The following FRMD4A variants were observed in gnomAD, a reference collection of about 807,000 sequenced individuals.
FRMD4A encodes the protein FERM domain-containing protein 4A.
In FRMD4A, 29 loss-of-function variants were observed where a neutral mutation model predicts 129.1. That is an observed-to-expected ratio of 0.22 (90% confidence interval 0.17 to 0.31). FRMD4A has a LOEUF of 0.31. FRMD4A is among the 10% of genes least tolerant of loss of function. The probability of loss-of-function intolerance (pLI) is 1.00; values close to 1 mark genes in which losing one functional copy is unlikely to be tolerated. For synonymous variants in FRMD4A, 634 were observed against 571.6 expected (o/e 1.11, Z -1.56); for missense variants, 1,272 against 1,375.8 (o/e 0.92, Z 1.19).
At chr10:14,161,016 A>C (rs1840857643) in intron 2 of FRMD4A, among the ~76,000 whole-genome samples, 1 of 152,112 alleles carries the variant, frequency 6.6e-6, no homozygotes, top group South Asian at 2.1e-4. Flanking sequence ...GTGCAGTGGC[A>C]CAATCTCGGC....
intron 2 of FRMD4A, chr10:13,972,322 C>A: frequency 2.0e-6 from 2 of 986,306 alleles, no homozygotes; most frequent in Non-Finnish European, 2.4e-6. Context: ...CCATGAGTTT[C>A]CACAAGGTCA....
intron 2 of FRMD4A, among the ~76,000 whole-genome samples, chr10:14,288,584 AATTT>A (rs1265875505): frequency 1.3e-5 from 2 of 152,140 alleles, no homozygotes; most frequent in Non-Finnish European, 2.9e-5. Context: ...AAAAAATATT[AATTT>A]ATTTTTAAAA....
intron 2 of FRMD4A, among the ~76,000 whole-genome samples, chr10:13,963,211 G>A (rs542393679): frequency 6.7e-6 from 1 of 150,122 alleles, no homozygotes; most frequent in South Asian, 2.1e-4. Context: ...AAACAAATGT[G>A]CAGACTTGAC....
Position 13,657,470 on chromosome 10 carries a change from G to A in FRMD4A, c.2119C>T (p.His707Tyr), listed in dbSNP as rs758375812. ...TGGGACTCCAGGCTGGAGCTCCGGT[G>A]CCTAAAGTGCAGTGCGAGGCTGTGC... is the stretch of plus-strand genomic sequence containing the variant. ...RLHSLALHFR[H>Y]RSSSLESQGK... The change falls in exon 22 of 25, where the codon CAC becomes TAC. Residue 707 changes from histidine (H) to tyrosine (Y), a missense_variant. Physicochemically the swap from His to Tyr is moderately conservative, Grantham distance 83. Around this residue, in one of 2 missense-constraint regions of FRMD4A, gnomAD observed 972 missense variants for 892.3 expected, o/e 1.09. Transcript: ENST00000357447. 9 of 1,610,834 alleles carry A rather than the reference G, an allele frequency of 5.6e-6. No homozygotes were observed. In the East Asian group the frequency reaches 2.0e-4, roughly 36 times the overall value.
In FRMD4A at chr10:13,701,213, G is replaced by A. The variant is rs529678510; in HGVS notation, c.975+127C>T. 2.3e-5 allele frequency: 18 copies of A among 791,370 alleles called. No individual in the cohort carries two copies. In the South Asian group the frequency reaches 2.8e-4, roughly 12 times the overall value. The allele number at this position is 791,370 out of a possible 1,614,324, so 49.0% of individuals were successfully genotyped here. The stretch of plus-strand genomic sequence containing the variant: ...TCCCATCTGTAGCCCTAAGAGGCAA[G>A]CCTGTATCTGTGCAAGGTATGGACC... On this transcript the variant is annotated intron_variant, in intron 14 of 24. Coordinates refer to ENST00000357447, the MANE Select transcript of FRMD4A (RefSeq NM_018027.5).
chr10:14,058,827 A>G (rs1390209356), intron 2 of FRMD4A, among the ~76,000 whole-genome samples: 1 of 152,172 alleles, frequency 6.6e-6, no homozygotes, highest in East Asian at 1.9e-4. Context: ...CACCTGCTAA[A>G]TCGTAGCTCC....
intron 2 of FRMD4A, among the ~76,000 whole-genome samples, chr10:13,965,029 T>C (rs1224096887): frequency 4.0e-5 from 6 of 151,568 alleles, no homozygotes; most frequent in Non-Finnish European, 8.8e-5. Context: ...TTAAATTTCC[T>C]CTTTTGCTCA....
intron 5 of FRMD4A, among the ~76,000 whole-genome samples, chr10:13,791,402 GGTGT>G (rs3032915): frequency 6.7e-6 from 1 of 149,922 alleles, no homozygotes; most frequent in Non-Finnish European, 1.5e-5. Context: ...AGAAATAAAA[GGTGT>G]GTGTGTGTGT....
At chr10:13,949,993 T>C (rs924695878) in intron 2 of FRMD4A, among the ~76,000 whole-genome samples, 3 of 152,264 alleles carry the variant, frequency 2.0e-5, no homozygotes, top group Non-Finnish European at 4.4e-5. Flanking sequence ...TTATGACAGA[T>C]CACAACATCT....
At chr10:14,203,575 T>A (rs1455899460) in intron 2 of FRMD4A, among the ~76,000 whole-genome samples, 1 of 152,262 alleles carries the variant, frequency 6.6e-6, no homozygotes. Context: ...AGACATTAAC[T>A]CGGCTAAATT....
chr10:13,957,612 A>G (rs2095417620), intron 2 of FRMD4A, among the ~76,000 whole-genome samples: 1 of 152,166 alleles, frequency 6.6e-6, no homozygotes, highest in South Asian at 2.1e-4. Context: ...AAAAAGGAGG[A>G]AGAGTAAAAA....
In FRMD4A at chr10:13,657,204, T is replaced by C. The variant is rs1311057358; in HGVS notation, c.2385A>G (p.Ser795=). 1 of 1,538,468 alleles carries C rather than the reference T, an allele frequency of 6.5e-7. No homozygotes were observed. The highest frequency in any genetic ancestry group is 8.7e-7 in the Non-Finnish European group (1 of 1,149,024). The part of the protein sequence containing the change: ...QRQRAAGALG[S]ASSGSMPNLA... Reference sequence around the variant, plus strand: ...GGTTGGGCATGCTGCCCGAGCTGGCTGAGCCCAGTGCGCCCGCCGCCCGCT... The same window carrying C: ...GGTTGGGCATGCTGCCCGAGCTGGCCGAGCCCAGTGCGCCCGCCGCCCGCT... Residue 795 remains serine, a synonymous_variant, in exon 22 of 25, where the codon TCA becomes TCG. Transcript: ENST00000357447.
At chr10:14,118,278 C>T (rs1352841026) in intron 2 of FRMD4A, among the ~76,000 whole-genome samples, 2 of 152,156 alleles carry the variant, frequency 1.3e-5, no homozygotes, top group African/African-American at 4.8e-5. Flanking sequence ...GCTTGGCAAC[C>T]TTAGGTGAGA....
chr10:14,132,197 A>T (rs1839296009), intron 2 of FRMD4A, among the ~76,000 whole-genome samples: 1 of 152,194 alleles, frequency 6.6e-6, no homozygotes, highest in African/African-American at 2.4e-5. Context: ...CTGAGGCAGG[A>T]GAATCGCTTG....
intron 2 of FRMD4A, among the ~76,000 whole-genome samples, chr10:13,875,564 AT>A (rs747118185): frequency 1.4e-4 from 21 of 152,234 alleles, no homozygotes; most frequent in Non-Finnish European, 2.8e-4. Flanking sequence ...CAGCATCGGA[AT>A]AAGGGAATTA....
rs114047226 is a variant in FRMD4A, at chr10:14,000,880, G to A, written c.46-141968C>T. On this transcript the variant is annotated intron_variant, in intron 2 of 24. Transcript: ENST00000357447. The stretch of plus-strand genomic sequence containing the variant: ...ATTCTAGACTCTATGACTTCGGAAG[G>A]CCTCAGGTAACTATCCAGAGACTCT... 4.2e-3 allele frequency among the ~76,000 whole-genome samples: 642 copies of A among 152,108 alleles called. 4 individuals carry two copies. Among genetic ancestry groups the A allele is most frequent in the African/African-American group, 0.014 (596 of 41,488 alleles).
chr10:14,003,072 C>T (rs1234875504), intron 2 of FRMD4A, among the ~76,000 whole-genome samples: 1 of 152,084 alleles, frequency 6.6e-6, no homozygotes, highest in Non-Finnish European at 1.5e-5. Flanking sequence ...GACACAATCA[C>T]CCCTCGGTTT....
In FRMD4A at chr10:13,747,819, G is replaced by A; in HGVS notation, c.465C>T (p.Ser155=). 2 of 1,572,516 alleles carry A rather than the reference G, an allele frequency of 1.3e-6. No individual in the cohort carries two copies. The highest frequency in any genetic ancestry group is 1.8e-6 in the Non-Finnish European group (2 of 1,142,014). Residue 155 remains serine (S), a splice_region_variant and synonymous_variant, in exon 9 of 25, where the codon AGC becomes AGT. Coordinates refer to ENST00000357447, the MANE Select transcript of FRMD4A (RefSeq NM_018027.5). ...TCAAGTCACTCCTCACAACTTCATT[G>A]CTGAAAGAGAGAATGCCCAGAAACG... ...ILQEAKGDFS[S]NEVVRSDLKK... is the part of the protein sequence containing the mutation.
At chr10:13,741,633 T>C (rs1308572857) in intron 9 of FRMD4A, among the ~76,000 whole-genome samples, 1 of 152,118 alleles carries the variant, frequency 6.6e-6, no homozygotes, top group African/African-American at 2.4e-5. Context: ...CAGGGCCTCA[T>C]GGGGGAATGG....
Sources: gnomAD v4.1 joint callset for allele counts (sites outside exome capture counted in the v4.1 genomes callset) on GRCh38, gnomAD v4.1.1 for gene constraint, gnomAD v4.1.1 regional missense constraint, MANE v1.5 for transcripts, NCBI Gene and HGNC (gene_info 2026-07-23, HGNC 2026-07-21) for gene names.